CLPX: variants seen among roughly 807,000 people sequenced by gnomAD.
CLPX encodes ATP-dependent clpX-like chaperone, mitochondrial.
Under a neutral mutation model 76.4 loss-of-function variants are expected in CLPX, and 34 were observed. The observed-to-expected ratio is 0.45, with a 90% CI of 0.34 to 0.59. The LOEUF (loss-of-function observed/expected upper bound fraction) is 0.59, where lower values mean the gene tolerates loss of function less well. Among genes scored for constraint, CLPX ranks in the 20% least tolerant of loss-of-function variants. The pLI is 0.01. For synonymous variants in CLPX, 248 were observed against 270.9 expected (o/e 0.92, Z 0.83); for missense variants, 613 against 757.0 (o/e 0.81, Z 2.23).
chr15:65,179,807 CTTCTT>C (rs2088139729), intron 2 of CLPX, among the ~76,000 whole-genome samples: 1 of 152,292 alleles, frequency 6.6e-6, no homozygotes, highest in South Asian at 2.1e-4. Flanking sequence ...TTTAATGACA[CTTCTT>C]TACTACTTTG....
intron 2 of CLPX, 100 bp from the exon 3 acceptor site, chr15:65,179,151 T>G (rs557078014): frequency 5.7e-5 from 35 of 610,844 alleles, no homozygotes; most frequent in Non-Finnish European, 9.8e-5. Context: ...TTTTATAATC[T>G]TCTATATTTC....
At chr15:65,183,781 C>T (rs2088214787) in intron 1 of CLPX, among the ~76,000 whole-genome samples, 1 of 152,176 alleles carries the variant, frequency 6.6e-6, no homozygotes, top group South Asian at 2.1e-4. Flanking sequence ...TTGTCTACTC[C>T]ACTAGATTTA....
intron 8 of CLPX, 43 bp downstream of exon 8, chr15:65,157,703 C>T: frequency 1.3e-6 from 2 of 1,540,276 alleles, no homozygotes; most frequent in Admixed American, 1.9e-5. Context: ...AGACTGATTC[C>T]CCAATATTCT....
chr15:65,170,340 A>AT (rs544427836), intron 3 of CLPX, among the ~76,000 whole-genome samples: 15 of 151,866 alleles, frequency 9.9e-5, no homozygotes, highest in Non-Finnish European at 1.6e-4. Context: ...AATTCATGGA[A>AT]TTTTTTTTCC....
chr15:65,157,968 C>A, intron 7 of CLPX, 58 bp from the exon 8 acceptor site: 4 of 1,435,566 alleles, frequency 2.8e-6, no homozygotes, highest in African/African-American at 1.5e-5. Context: ...CACAATTTTT[C>A]AATAAAAATG....
intron 5 of CLPX, 65 bp from the exon 6 acceptor site, chr15:65,162,710 A>C: frequency 1.2e-6 from 1 of 855,406 alleles, no homozygotes; most frequent in Non-Finnish European, 1.9e-6. Flanking sequence ...TGAGTATCCC[A>C]CCTCCTGTCC....
chr15:65,161,804 T>C (rs1361400512), intron 6 of CLPX, among the ~76,000 whole-genome samples: 2 of 152,160 alleles, frequency 1.3e-5, no homozygotes, highest in Non-Finnish European at 2.9e-5. Flanking sequence ...TTACCACGCA[T>C]GGTATAATCA....
chr15:65,174,211 G>T (rs1049519129), intron 3 of CLPX, among the ~76,000 whole-genome samples: 3 of 151,956 alleles, frequency 2.0e-5, no homozygotes, highest in Admixed American at 6.6e-5. Context: ...CTGACCTCGT[G>T]ATCCACCCAC....
chr15:65,172,011 T>A (rs1423792741), intron 3 of CLPX, among the ~76,000 whole-genome samples: 1 of 152,234 alleles, frequency 6.6e-6, no homozygotes, highest in Non-Finnish European at 1.5e-5. Flanking sequence ...GTTTTGTTTT[T>A]TGAGACAGAG....
At chr15:65,159,439 C>T (rs2087826709) in intron 6 of CLPX, among the ~76,000 whole-genome samples, 1 of 152,058 alleles carries the variant, frequency 6.6e-6, no homozygotes, top group South Asian at 2.1e-4. Context: ...GGTGAAACCC[C>T]ATCTCTACTA....
chr15:65,153,741 C>G, intron 11 of CLPX, 102 bp from the exon 12 acceptor site: 1 of 620,794 alleles, frequency 1.6e-6, no homozygotes, highest in Non-Finnish European at 2.7e-6. Flanking sequence ...TGTTTTGGAA[C>G]CCTGCCTTCA....
chr15:65,168,377 C>T (rs2087947879), intron 3 of CLPX, among the ~76,000 whole-genome samples: 1 of 8,150 alleles, frequency 1.2e-4, no homozygotes, highest in African/African-American at 2.2e-4. Context: ...AAGTGAGACT[C>T]TGTCTCAAAA....
chr15:65,157,825 T>C lies in CLPX; in HGVS notation c.978A>G (p.Gly326=), dbSNP rs1420085860. The change falls in exon 8 of 14, where the codon GGA becomes GGG. Residue 326 remains glycine, a synonymous_variant. Coordinates refer to ENST00000300107, the MANE Select transcript of CLPX (RefSeq NM_006660.5). The part of the protein sequence containing the change: ...ICDCTTLTQA[G]YVGEDIESVI... Reference sequence around the variant, plus strand: ...CAGATTCAATATCTTCGCCTACATATCCAGCCTGAGTCAAAGTTGTACAGT... The same window carrying C: ...CAGATTCAATATCTTCGCCTACATACCCAGCCTGAGTCAAAGTTGTACAGT... 1 of 1,613,974 alleles carries C rather than the reference T, an allele frequency of 6.2e-7. No individual in the cohort carries two copies. The highest frequency in any genetic ancestry group is 8.5e-7 in the Non-Finnish European group (1 of 1,179,922).
intron 3 of CLPX, among the ~76,000 whole-genome samples, chr15:65,173,136 G>A (rs1013450220): frequency 5.3e-5 from 8 of 151,822 alleles, no homozygotes; most frequent in Admixed American, 3.3e-4. Flanking sequence ...CTGGGAGCCC[G>A]AGGCAGGAGG....
At chr15:65,181,268 TAG>T (rs2088166668) in intron 1 of CLPX, among the ~76,000 whole-genome samples, 1 of 151,860 alleles carries the variant, frequency 6.6e-6, no homozygotes, top group East Asian at 1.9e-4. Context: ...GGCAAAATCA[TAG>T]AGTCAGTGAG....
At chr15:65,174,167 G>A (rs568966006) in intron 3 of CLPX, among the ~76,000 whole-genome samples, 1 of 152,184 alleles carries the variant, frequency 6.6e-6, no homozygotes, top group South Asian at 2.1e-4. Context: ...TAGAGACGGG[G>A]TTTCACCGTG....
At chr15:65,167,056 C>G (rs1204162079) in intron 3 of CLPX, among the ~76,000 whole-genome samples, 1 of 152,132 alleles carries the variant, frequency 6.6e-6, no homozygotes, top group Non-Finnish European at 1.5e-5. Context: ...TTCCAACTTT[C>G]CATTCACTAA....
At chr15:65,182,041 T>C (rs1202693284) in intron 1 of CLPX, among the ~76,000 whole-genome samples, 1 of 149,510 alleles carries the variant, frequency 6.7e-6, no homozygotes, top group East Asian at 2.0e-4. Context: ...AAGAATCGCT[T>C]GAACCCAGGA....
rs760754321 is a variant in CLPX at position 65,157,888 on chromosome 15, G to T, written c.915C>A (p.Thr305=). ...AAGGGACATCAAGGCATTTAGCTAG[G>T]GTTTGTGCCAGCAGAGTTTTACCTA... ...TGSGKTLLAQ[T]LAKCLDVPFA... Residue 305 remains threonine (T), a synonymous_variant, in exon 8 of 14, where the codon ACC becomes ACA. Transcript: ENST00000300107. 4.4e-6 allele frequency: 7 copies of T among 1,600,880 alleles called. No individual in the cohort carries two copies. The South Asian group carries it at 7.9e-5, about 18-fold the overall frequency.
Sources: allele counts gnomAD v4.1 joint callset (sites outside exome capture counted in the v4.1 genomes callset), GRCh38; gene constraint gnomAD v4.1.1; transcripts MANE v1.5; gene names NCBI Gene and HGNC (gene_info 2026-07-23, HGNC 2026-07-21).